The following STK32B variants were observed in gnomAD, a reference collection of about 807,000 sequenced individuals.
STK32B encodes the protein serine/threonine-protein kinase 32B.
A neutral mutation model predicts 52.6 loss-of-function variants in STK32B; 43 were observed. That is an observed-to-expected ratio of 0.82 (90% CI 0.64 to 1.05). The LOEUF (loss-of-function observed/expected upper bound fraction) is 1.05. Ranked by LOEUF, STK32B falls within the 50% of genes least tolerant of loss-of-function variation. The pLI is 0.00. For missense variants in STK32B, 621 were observed against 534.6 expected (o/e 1.16, Z -1.59); for synonymous variants, 238 against 204.3 (o/e 1.17, Z -1.41).
rs181894330 is a variant in STK32B at position 5,158,633 on chromosome 4, A to G, written c.109-9666A>G. Among the ~76,000 whole-genome samples, 414 of 152,308 alleles carry G rather than the reference A, an allele frequency of 2.7e-3. 1 individual carries two copies. The highest frequency in any genetic ancestry group is 9.4e-3 in the African/African-American group (391 of 41,570). ...GCACTGCAGAGTTGGGGGCGGAACA[A>G]CAAAACTGATTTTCACAGTTCCGGA... On this transcript the variant is annotated intron_variant, in intron 2 of 11. Transcript: ENST00000282908.
intron 2 of STK32B, among the ~76,000 whole-genome samples, chr4:5,144,539 T>C (rs1003629795): frequency 6.6e-6 from 1 of 152,162 alleles, no homozygotes; most frequent in African/African-American, 2.4e-5. Context: ...TTGTGTATAC[T>C]TAAGTTCCCA....
intron 3 of STK32B, among the ~76,000 whole-genome samples, chr4:5,224,204 G>C (rs1021350699): frequency 6.6e-5 from 10 of 152,206 alleles, no homozygotes; most frequent in Non-Finnish European, 1.2e-4. Context: ...GAATTTTGGA[G>C]TCCCAGGGGA....
intron 5 of STK32B, among the ~76,000 whole-genome samples, chr4:5,409,834 C>T (rs948559097): frequency 1.3e-5 from 2 of 152,054 alleles, no homozygotes; most frequent in African/African-American, 4.8e-5. Flanking sequence ...CATTCCTACC[C>T]CACGACCAAG....
intron 3 of STK32B, among the ~76,000 whole-genome samples, chr4:5,261,052 T>C (rs1726679163): frequency 6.6e-6 from 1 of 152,120 alleles, no homozygotes; most frequent in Non-Finnish European, 1.5e-5. Context: ...GGCGGCTCTT[T>C]AGTGGAGACA....
intron 2 of STK32B, chr4:5,140,417 A>C: frequency 1.3e-6 from 1 of 773,744 alleles, no homozygotes; most frequent in Non-Finnish European, 1.7e-6. Context: ...GTCAAGCTCC[A>C]GTCTGTTCCC....
At chr4:5,231,961 G>A (rs191077175) in intron 3 of STK32B, among the ~76,000 whole-genome samples, 88 of 152,310 alleles carry the variant, frequency 5.8e-4, no homozygotes, top group African/African-American at 2.0e-3. Flanking sequence ...ATCCCATAAT[G>A]AATGGTAAAA....
In STK32B at chr4:5,323,086, G is replaced by A. The variant is rs77655393; in HGVS notation, c.261-8134G>A. ...GGGACAAGTGTTAAGGGATGAGCAG[G>A]GGGTCTGTGAAGAGCACCTCTCCTC... On this transcript the variant is annotated intron_variant, in intron 3 of 11. Transcript: ENST00000282908. Among the ~76,000 whole-genome samples, 1,405 of 152,230 alleles carry A rather than the reference G, an allele frequency of 9.2e-3. 54 individuals carry two copies. In the East Asian group the frequency reaches 0.11, roughly 12 times the overall value.
rs535238011 is a variant in STK32B, at chr4:5,169,101, C to T, written c.260+651C>T. 1.2e-4 allele frequency among the ~76,000 whole-genome samples: 19 copies of T among 152,298 alleles called. No individual in the cohort carries two copies. The East Asian group carries it at 3.7e-3, about 29-fold the overall frequency. On this transcript the variant is annotated intron_variant, in intron 3 of 11. Coordinates refer to ENST00000282908, the MANE Select transcript of STK32B (RefSeq NM_018401.3). ...ACACCTGTGCATTCCTGGCACCCAG[C>T]TTAGGAAACCCTTAGGTCAAGAGCC...
chr4:5,495,639 G>C (rs1040635701), intron 11 of STK32B, among the ~76,000 whole-genome samples: 13 of 152,180 alleles, frequency 8.5e-5, no homozygotes, highest in African/African-American at 3.1e-4. Flanking sequence ...TCCTTTGGAG[G>C]AGGAGAGGCA....
rs369776478 is a variant in STK32B, at chr4:5,286,568, T to C, written c.261-44652T>C. Among the ~76,000 whole-genome samples the C allele has an allele frequency of 6.6e-5, 10 of 152,200 alleles. No individual in the cohort carries two copies. In the East Asian group the frequency reaches 1.9e-3, roughly 29 times the overall value. ...TAAATAGAATCATGTAATGACTTTA[T>C]CTGGCTTATTTCCCTTAACATAATA... On this transcript the variant is annotated intron_variant, in intron 3 of 11. Coordinates refer to ENST00000282908, the MANE Select transcript of STK32B (RefSeq NM_018401.3).
intron 3 of STK32B, among the ~76,000 whole-genome samples, chr4:5,300,068 G>T (rs970197156): frequency 6.6e-6 from 1 of 152,152 alleles, no homozygotes; most frequent in African/African-American, 2.4e-5. Flanking sequence ...ATATCCGGCA[G>T]CACATCAAAA....
At chr4:5,054,814 A>G (rs1741935250) in intron 1 of STK32B, among the ~76,000 whole-genome samples, 1 of 152,186 alleles carries the variant, frequency 6.6e-6, no homozygotes, top group Non-Finnish European at 1.5e-5. Flanking sequence ...ACAGCTAAAT[A>G]TTTGCCATTG....
intron 11 of STK32B, among the ~76,000 whole-genome samples, chr4:5,490,013 A>C (rs1000208491): frequency 1.3e-5 from 2 of 152,150 alleles, no homozygotes; most frequent in South Asian, 2.1e-4. Context: ...TAGTAATACA[A>C]ACTCACTGGT....
intron 11 of STK32B, among the ~76,000 whole-genome samples, chr4:5,484,621 T>C (rs1017646665): frequency 6.6e-6 from 1 of 152,216 alleles, no homozygotes; most frequent in Non-Finnish European, 1.5e-5. Context: ...GTGAATTTGA[T>C]CCTGTCATTA....
rs959065441 is a variant in STK32B at position 5,467,360 on chromosome 4, G to A, written c.1041+526G>A. On this transcript the variant is annotated intron_variant, in intron 10 of 11. Transcript: ENST00000282908. This position sits in a 1 kb window ranked among gnomAD's most constrained non-coding sequence, Gnocchi z 5.8. ...CTTGGCTCCCCAGGCTTCGAGTGGC[G>A]GCCGGCCCCCTTGTCCTTCGCTGGC... 2.6e-5 allele frequency among the ~76,000 whole-genome samples: 4 copies of A among 152,122 alleles called. No individual in the cohort carries two copies. Among genetic ancestry groups the A allele is most frequent in the African/African-American group, 4.8e-5 (2 of 41,454 alleles).
chr4:5,438,671 A>C (rs888087952), intron 6 of STK32B, among the ~76,000 whole-genome samples: 1 of 152,204 alleles, frequency 6.6e-6, no homozygotes, highest in African/African-American at 2.4e-5. Context: ...TTACATATGT[A>C]TACATGTGCC....
intron 7 of STK32B, among the ~76,000 whole-genome samples, chr4:5,452,779 A>T (rs1716122564): frequency 3.3e-5 from 5 of 151,838 alleles, no homozygotes; most frequent in Admixed American, 2.0e-4. Flanking sequence ...AATTGGCAAA[A>T]TTTTTTTTAG....
At chr4:5,185,292 T>G (rs1284687118) in intron 3 of STK32B, among the ~76,000 whole-genome samples, 2 of 152,212 alleles carry the variant, frequency 1.3e-5, no homozygotes, top group East Asian at 1.9e-4. Context: ...TGAATGAACA[T>G]TCTCAGGATG....
chr4:5,324,249 G>A (rs1028209816), intron 3 of STK32B, among the ~76,000 whole-genome samples: 1 of 152,218 alleles, frequency 6.6e-6, no homozygotes, highest in Non-Finnish European at 1.5e-5. Context: ...AGCTACTGGG[G>A]AGGGTGAGGC....
Sources: gnomAD v4.1 joint callset for allele counts (sites outside exome capture counted in the v4.1 genomes callset) on GRCh38, gnomAD v4.1.1 for gene constraint, Gnocchi (gnomAD v3.1) non-coding constraint, MANE v1.5 for transcripts, NCBI Gene and HGNC (gene_info 2026-07-23, HGNC 2026-07-21) for gene names.